The following GEN1 variants were observed in gnomAD, a reference collection of about 807,000 sequenced individuals.
GEN1 encodes flap endonuclease GEN homolog 1.
GEN1 carries 64 observed loss-of-function variants against 67.6 expected under a neutral mutation model. That is an observed-to-expected ratio of 0.95 (90% CI 0.77 to 1.17). The LOEUF (loss-of-function observed/expected upper bound fraction) is 1.17, where lower values mean the gene tolerates loss of function less well. Among genes scored for constraint, GEN1 ranks in the 50% most tolerant of loss-of-function variants. The pLI is 0.00. For missense variants in GEN1, 1,058 were observed against 1,048.3 expected, an observed-to-expected ratio of 1.01 and a Z score of -0.13; for synonymous variants, 371 against 359.4, an observed-to-expected ratio of 1.03 and a Z score of -0.37.
chr2:17,782,622 C>T lies in GEN1; in HGVS notation c.*683C>T, dbSNP rs1672898220. On this transcript the variant is annotated 3_prime_UTR_variant, in exon 14 of 14. Transcript: ENST00000381254. The stretch of plus-strand genomic sequence containing the variant: ...GCTGAATAAACTGAGCAAAGTAACT[C>T]CTTATGTATCCCCAGAAGTTCACAG... The T allele has an allele frequency of 6.6e-6, 1 of 152,220 alleles. No homozygotes were observed. Among genetic ancestry groups the T allele is most frequent in the South Asian group, 2.1e-4 (1 of 4,820 alleles). 9.4% of individuals were successfully genotyped at this position (152,220 alleles called of 1,614,324 possible).
At position 17,783,028 on chromosome 2, in the gene GEN1, C is replaced by G. The variant is rs1672916691; in HGVS notation, c.*1089C>G. On this transcript the variant is annotated 3_prime_UTR_variant, in exon 14 of 14. Transcript: ENST00000381254. ...TTCATCCAGGTCGTAGAATACAAGA[C>G]CAATGTGCAATGATCATTGCATTTT... 6.6e-6 allele frequency: 1 copy of G among 152,056 alleles called. No individual in the cohort carries two copies. The highest frequency in any genetic ancestry group is 2.4e-5 in the African/African-American group (1 of 41,414). The allele number at this position is 152,056 out of a possible 1,614,324, so 9.4% of individuals were successfully genotyped here.
In GEN1 at chr2:17,788,594, C is replaced by T. The variant is rs1016075764; in HGVS notation, c.*6655C>T. The stretch of plus-strand genomic sequence containing the variant: ...CTTAGCATTATTCTATTCCAAGACC[C>T]AAAAAGGAAAATAACCTCCCCAAAT... On this transcript the variant is annotated 3_prime_UTR_variant, in exon 14 of 14. Transcript: ENST00000381254. The T allele has an allele frequency of 2.6e-5, 4 of 152,016 alleles. No homozygotes were observed. Among genetic ancestry groups the T allele is most frequent in the Admixed American group, 1.3e-4 (2 of 15,272 alleles). 9.4% of individuals were successfully genotyped at this position (152,016 alleles called of 1,614,324 possible). A position where few individuals can be genotyped will look rare whatever the true frequency, so the allele number is the denominator to read the frequency against.
At chr2:17,778,231 T>TATGTGTGTACATATATGTATACACACAC (rs1672570722) in intron 12 of GEN1, among the ~76,000 whole-genome samples, 168 bp downstream of exon 12, 3 of 146,796 alleles carry the variant, frequency 2.0e-5, no homozygotes, top group African/African-American at 7.7e-5. Flanking sequence ...CACACACATA[T>TATGTGTGTACATATATGTATACACACAC]ATGTGTGTAC....
chr2:17,760,330 T>G (rs932785233), intron 2 of GEN1, among the ~76,000 whole-genome samples: 3 of 152,228 alleles, frequency 2.0e-5, no homozygotes, highest in Non-Finnish European at 2.9e-5. Flanking sequence ...ACTTAACGTA[T>G]CCACTAGGAT....
At chr2:17,772,854 C>A in intron 8 of GEN1, 70 bp downstream of exon 8, 1 of 1,338,906 alleles carries the variant, frequency 7.5e-7, no homozygotes, top group South Asian at 1.4e-5. Context: ...TGAATTATTT[C>A]CATATAATCT....
intron 12 of GEN1, 77 bp downstream of exon 12, chr2:17,778,140 A>ATATATATATACACACACATAGATATGTG: frequency 4.6e-6 from 2 of 433,470 alleles, no homozygotes; most frequent in Non-Finnish European, 4.3e-6. Flanking sequence ...GTATATGTGT[A>ATATATATATACACACACATAGATATGTG]TATATATATA....
chr2:17,779,902 G>C (rs777061831), intron 12 of GEN1, 76 bp from the exon 13 acceptor site: 7 of 1,207,712 alleles, frequency 5.8e-6, no homozygotes, highest in Non-Finnish European at 8.2e-6. Context: ...TTACAGGTGT[G>C]AGCCATCAAG....
At position 17,785,487 on chromosome 2, in the gene GEN1, T is replaced by C. The variant is rs986410826; in HGVS notation, c.*3548T>C. Reference sequence around the variant, plus strand: ...CCTCCAGCTGCTAGGATCCTGTAATTGGTTTCTTTCTGATGGCTCCATGCT... The same window carrying C: ...CCTCCAGCTGCTAGGATCCTGTAATCGGTTTCTTTCTGATGGCTCCATGCT... On this transcript the variant is annotated 3_prime_UTR_variant, in exon 14 of 14. Coordinates refer to ENST00000381254, the MANE Select transcript of GEN1 (RefSeq NM_001130009.3). 6.6e-6 allele frequency: 1 copy of C among 152,358 alleles called. No homozygotes were observed. Among genetic ancestry groups the C allele is most frequent in the Non-Finnish European group, 1.5e-5 (1 of 68,148 alleles). 9.4% of individuals were successfully genotyped at this position (152,358 alleles called of 1,614,324 possible). A position where few individuals can be genotyped will look rare whatever the true frequency, so the allele number is the denominator to read the frequency against.
At position 17,759,977 on chromosome 2, in the gene GEN1, C is replaced by T; in HGVS notation, c.34C>T (p.Pro12Ser). The change falls in exon 2 of 14, where the codon CCT (proline) becomes TCT (serine). Residue 12 changes from proline to serine, a missense_variant. By Grantham distance (74) the Pro-to-Ser change is moderately conservative (BLOSUM62 -1). Coordinates refer to ENST00000381254, the MANE Select transcript of GEN1 (RefSeq NM_001130009.3). ...GVNDLWQILE[P>S]VKQHIPLRNL... ...GAATGACTTGTGGCAAATTTTGGAG[C>T]CTGTTAAGCAACACATCCCCTTGCG... The T allele has an allele frequency of 1.2e-6, 2 of 1,613,644 alleles. No homozygotes were observed. The highest frequency in any genetic ancestry group is 1.7e-6 in the Non-Finnish European group (2 of 1,179,796).
At chr2:17,776,864 A>G (rs1462978147) in intron 11 of GEN1, among the ~76,000 whole-genome samples, 1 of 152,228 alleles carries the variant, frequency 6.6e-6, no homozygotes, top group East Asian at 1.9e-4. Flanking sequence ...GTGGTGGTTT[A>G]TGCCTGGATT....
intron 6 of GEN1, among the ~76,000 whole-genome samples, chr2:17,770,485 A>G (rs902647739): frequency 6.6e-6 from 1 of 152,138 alleles, no homozygotes; most frequent in Non-Finnish European, 1.5e-5. Flanking sequence ...AAAAACTTCA[A>G]CTTGTTTAAG....
In GEN1 at chr2:17,760,061, A is replaced by G. The variant is rs376881321; in HGVS notation, c.118A>G (p.Thr40Ala). 2 of 1,614,148 alleles carry G rather than the reference A, an allele frequency of 1.2e-6. No homozygotes were observed. The highest frequency in any genetic ancestry group is 1.7e-6 in the Non-Finnish European group (2 of 1,180,002). ...GAGTCTCTGGGTGTGTGAGGCACAG[A>G]CAGTCAAAAAAATGATGGGCAGCGT... ...DLSLWVCEAQTVKKMMGSVMK... is the reference protein window; with the variant it reads ...DLSLWVCEAQAVKKMMGSVMK... Residue 40 changes from threonine to alanine, a missense_variant, in exon 2 of 14, where the codon ACA (threonine) becomes GCA (alanine). By Grantham distance (58) the Thr-to-Ala change is moderately conservative. Transcript: ENST00000381254.
intron 12 of GEN1, 138 bp downstream of exon 12, chr2:17,778,201 T>C (rs1469003067): frequency 1.6e-5 from 7 of 448,786 alleles, no homozygotes; most frequent in Admixed American, 3.7e-5. Flanking sequence ...CACACACATA[T>C]ATGTGTATAT....
chr2:17,774,538 C>A (rs778115169), intron 11 of GEN1, 137 bp downstream of exon 11: 60 of 536,514 alleles, frequency 1.1e-4, no homozygotes, highest in Non-Finnish European at 1.6e-4. Flanking sequence ...TTATTCAGGG[C>A]TTATAATCAG....
chr2:17,770,225 T>C (rs1277777818), intron 6 of GEN1, among the ~76,000 whole-genome samples: 1 of 152,170 alleles, frequency 6.6e-6, no homozygotes, highest in African/African-American at 2.4e-5. Flanking sequence ...TAAGCACTGT[T>C]GACACTTGAA....
At chr2:17,778,323 C>CTGTGT (rs1553331284) in intron 12 of GEN1, among the ~76,000 whole-genome samples, 2 of 30,870 alleles carry the variant, frequency 6.5e-5, no homozygotes, top group African/African-American at 2.1e-4. Flanking sequence ...TACACACACA[C>CTGTGT]GTGTACATAT....
At chr2:17,774,669 T>C (rs1369335973) in intron 11 of GEN1, among the ~76,000 whole-genome samples, 1 of 151,928 alleles carries the variant, frequency 6.6e-6, no homozygotes, top group Non-Finnish European at 1.5e-5. Context: ...ACTATTTCAG[T>C]GGACCAGAAA....
At chr2:17,772,099 G>C (rs1181480317) in intron 7 of GEN1, among the ~76,000 whole-genome samples, 7 of 151,852 alleles carry the variant, frequency 4.6e-5, no homozygotes, top group Non-Finnish European at 1.0e-4. Flanking sequence ...CTTTTAAAGG[G>C]AATTAAATTT....
chr2:17,761,461 G>C lies in GEN1; in HGVS notation c.227G>C (p.Gly76Ala). ...MDVKLVFVME[G>A]EPPKLKADVI... ...GTAAAACTGGTATTTGTTATGGAAGGGGAACCACCAAAGCTGAAAGCTGAT... is the reference window on the plus strand; with the variant it reads ...GTAAAACTGGTATTTGTTATGGAAGCGGAACCACCAAAGCTGAAAGCTGAT... Residue 76 changes from glycine (G) to alanine (A), a missense_variant, in exon 3 of 14, where the codon GGG becomes GCG. Coordinates refer to ENST00000381254, the MANE Select transcript of GEN1 (RefSeq NM_001130009.3). 1 of 1,612,590 alleles carries C rather than the reference G, an allele frequency of 6.2e-7. No individual in the cohort carries two copies. The highest frequency in any genetic ancestry group is 8.5e-7 in the Non-Finnish European group (1 of 1,178,712).
Sources: gnomAD v4.1 joint callset for allele counts (sites outside exome capture counted in the v4.1 genomes callset) on GRCh38, gnomAD v4.1.1 for gene constraint, MANE v1.5 for transcripts, NCBI Gene and HGNC (gene_info 2026-07-23, HGNC 2026-07-21) for gene names.